The following KCNB2 variants were observed in gnomAD, a reference collection of about 807,000 sequenced individuals.
KCNB2 encodes potassium voltage-gated channel subfamily B member 2, also known as delayed rectifier potassium channel protein.
Under a neutral mutation model 61.5 loss-of-function variants are expected in KCNB2, and 15 were observed. That is an observed-to-expected ratio of 0.24 (90% CI 0.16 to 0.38). The LOEUF (loss-of-function observed/expected upper bound fraction) is 0.38. KCNB2 is among the 10% of genes least tolerant of loss of function. The pLI is 1.00. For synonymous variants in KCNB2, 457 were observed against 446.0 expected, an observed-to-expected ratio of 1.02 and a Z score of -0.31; for missense variants, 828 against 1,125.2, an observed-to-expected ratio of 0.74 and a Z score of 3.78.
At chr8:72,776,405 A>T (rs1808653689) in intron 2 of KCNB2, among the ~76,000 whole-genome samples, 1 of 152,186 alleles carries the variant, frequency 6.6e-6, no homozygotes, top group Non-Finnish European at 1.5e-5. Context: ...TATAATTTTT[A>T]AAAAATCATT....
intron 2 of KCNB2, among the ~76,000 whole-genome samples, chr8:72,860,892 G>T (rs1297263815): frequency 6.6e-6 from 1 of 152,180 alleles, no homozygotes; most frequent in Non-Finnish European, 1.5e-5. Flanking sequence ...TTTACAAGTT[G>T]TTTTTAATGT....
At chr8:72,933,781 T>C (rs897056948) in intron 2 of KCNB2, among the ~76,000 whole-genome samples, 13 of 152,224 alleles carry the variant, frequency 8.5e-5, no homozygotes, top group Non-Finnish European at 1.5e-5. Flanking sequence ...ATCTAAATCT[T>C]CTCAAGGGAG....
At chr8:72,761,795 C>CA (rs5892366) in intron 2 of KCNB2, among the ~76,000 whole-genome samples, 86,381 of 151,834 alleles carry the variant, frequency 0.57, 25,439 homozygotes, top group African/African-American at 0.71. Context: ...AATACTGTTA[C>CA]AAAAAAAGGA....
At chr8:72,808,315 T>C (rs1410173283) in intron 2 of KCNB2, among the ~76,000 whole-genome samples, 1 of 152,234 alleles carries the variant, frequency 6.6e-6, no homozygotes, top group Non-Finnish European at 1.5e-5. Context: ...ATTTTTTGAA[T>C]ATTTTTTGAA....
intron 2 of KCNB2, among the ~76,000 whole-genome samples, chr8:72,583,792 A>G (rs1439577023): frequency 6.6e-6 from 1 of 150,656 alleles, no homozygotes; most frequent in Non-Finnish European, 1.5e-5. Context: ...TATTTATTCA[A>G]TGAAAAATCA....
chr8:72,578,283 C>T lies in KCNB2; in HGVS notation c.579+9970C>T, dbSNP rs535955049. Among the ~76,000 whole-genome samples the T allele has an allele frequency of 1.4e-4, 21 of 152,136 alleles. No individual in the cohort carries two copies. In the East Asian group the frequency reaches 2.7e-3, roughly 20 times the overall value. ...ATTTTTTAGTTTAGAGGCAGAAAAA[C>T]GTTAGTAGGTAATCTTACTTTCTAA... On this transcript the variant is annotated intron_variant, in intron 2 of 2. Transcript: ENST00000523207.
intron 2 of KCNB2, among the ~76,000 whole-genome samples, chr8:72,798,569 G>C (rs569283919): frequency 2.7e-4 from 41 of 152,030 alleles, no homozygotes; most frequent in Non-Finnish European, 4.9e-4. Context: ...TGGGAATCCT[G>C]GTCAAATTTA....
chr8:72,893,934 C>T lies in KCNB2; in HGVS notation c.580-42001C>T, dbSNP rs150110408. ...AATCCAGTTGTCCATTCTTTCATGC[C>T]ATCCCTAATTATTGAGCCCCTACCC... On this transcript the variant is annotated intron_variant, in intron 2 of 2. Transcript: ENST00000523207. Among the ~76,000 whole-genome samples, 258 of 152,222 alleles carry T rather than the reference C, an allele frequency of 1.7e-3. 1 individual carries two copies. The highest frequency in any genetic ancestry group is 6.0e-3 in the African/African-American group (249 of 41,534).
chr8:72,700,835 G>A (rs113260475), intron 2 of KCNB2, among the ~76,000 whole-genome samples: 2 of 152,202 alleles, frequency 1.3e-5, no homozygotes, highest in East Asian at 1.9e-4. Flanking sequence ...AAATCAACCC[G>A]AGTGTCCATC....
At position 72,803,666 on chromosome 8, in the gene KCNB2, G is replaced by A. The variant is rs559790051; in HGVS notation, c.580-132269G>A. The stretch of plus-strand genomic sequence containing the variant: ...AGGGAGTTAACACTACCTGCAGAAA[G>A]TGACATAAGAATTTAGTATCCCAAG... On this transcript the variant is annotated intron_variant, in intron 2 of 2. Transcript: ENST00000523207. 1.8e-4 allele frequency among the ~76,000 whole-genome samples: 28 copies of A among 152,340 alleles called. No individual in the cohort carries two copies. The South Asian group carries it at 5.8e-3, about 32-fold the overall frequency.
Position 72,567,672 on chromosome 8 carries a change from G to A in KCNB2, c.-63G>A. 1 of 1,091,684 alleles carries A rather than the reference G, an allele frequency of 9.2e-7. No homozygotes were observed. Among genetic ancestry groups the A allele is most frequent in the Non-Finnish European group, 1.3e-6 (1 of 762,296 alleles). 67.6% of individuals were successfully genotyped at this position (1,091,684 alleles called of 1,614,324 possible). A position where few individuals can be genotyped will look rare whatever the true frequency, so the allele number is the denominator to read the frequency against. ...TCAGTGGAAATGCCTGCCCCAGAGG[G>A]ATATTGCTTCAGTTGACCTCATTTT... On this transcript the variant is annotated 5_prime_UTR_variant, in exon 2 of 3. Coordinates refer to ENST00000523207, the MANE Select transcript of KCNB2 (RefSeq NM_004770.3).
intron 2 of KCNB2, among the ~76,000 whole-genome samples, chr8:72,859,707 GTTTTTTTTTTTTTTTTT>G (rs1187550622): frequency 9.5e-5 from 4 of 42,008 alleles, no homozygotes; most frequent in Non-Finnish European, 2.2e-4. Context: ...ACTTCATTTC[GTTTTTTTTTTTTTTTTT>G]TTTTTTTTTT....
At chr8:72,646,618 A>C (rs1372204680) in intron 2 of KCNB2, among the ~76,000 whole-genome samples, 1 of 152,204 alleles carries the variant, frequency 6.6e-6, no homozygotes, top group Non-Finnish European at 1.5e-5. Context: ...GAAATAGGTC[A>C]GACACAAAAG....
intron 2 of KCNB2, among the ~76,000 whole-genome samples, chr8:72,644,728 A>G (rs1015051980): frequency 6.6e-6 from 1 of 152,060 alleles, no homozygotes; most frequent in Non-Finnish European, 1.5e-5. Context: ...GTTGAGTACA[A>G]CTTTCCCTGT....
rs995811429 is a variant in KCNB2, at chr8:72,602,822, C to A, written c.579+34509C>A. Among the ~76,000 whole-genome samples, 4 of 152,200 alleles carry A rather than the reference C, an allele frequency of 2.6e-5. No homozygotes were observed. The South Asian group carries it at 8.3e-4, about 32-fold the overall frequency. ...GCTTATGTGGGATCCTCTCTCTTTC[C>A]ATGTCATCTCCAAGTCTTTCCATAT... is the stretch of plus-strand genomic sequence containing the variant. On this transcript the variant is annotated intron_variant, in intron 2 of 2. Coordinates refer to ENST00000523207, the MANE Select transcript of KCNB2 (RefSeq NM_004770.3).
At position 72,937,359 on chromosome 8, in the gene KCNB2, G is replaced by C; in HGVS notation, c.2004G>C (p.Glu668Asp). The change falls in exon 3 of 3, where the codon GAG becomes GAC. Residue 668 changes from glutamate (E) to aspartate (D), a missense_variant. Physicochemically the swap from Glu to Asp is conservative, Grantham distance 45. Transcript: ENST00000523207. The stretch of plus-strand genomic sequence containing the variant: ...CTGCTGCCAGGGATGGCACGCTGGA[G>C]TATGCCCCAGTTGACATAACTGTGA... ...KGPAARDGTL[E>D]YAPVDITVNL... The C allele has an allele frequency of 1.2e-6, 2 of 1,614,078 alleles. No homozygotes were observed. The highest frequency in any genetic ancestry group is 1.7e-6 in the Non-Finnish European group (2 of 1,180,016).
chr8:72,885,096 T>TA (rs1441174725), intron 2 of KCNB2, among the ~76,000 whole-genome samples: 9 of 152,170 alleles, frequency 5.9e-5, no homozygotes, highest in Non-Finnish European at 1.3e-4. Context: ...TGTCTATTGA[T>TA]ATGATCATAT....
At chr8:72,609,771 A>G (rs1805508528) in intron 2 of KCNB2, among the ~76,000 whole-genome samples, 1 of 152,320 alleles carries the variant, frequency 6.6e-6, no homozygotes, top group South Asian at 2.1e-4. Flanking sequence ...ACAGAGCACT[A>G]TGTTTATGTG....
At chr8:72,700,997 T>C (rs1807113930) in intron 2 of KCNB2, among the ~76,000 whole-genome samples, 1 of 152,064 alleles carries the variant, frequency 6.6e-6, no homozygotes, top group Admixed American at 6.6e-5. Context: ...TACCACATGT[T>C]CTCACTGATA....
Sources: gnomAD v4.1 joint callset for allele counts (sites outside exome capture counted in the v4.1 genomes callset) on GRCh38, gnomAD v4.1.1 for gene constraint, MANE v1.5 for transcripts, NCBI Gene and HGNC (gene_info 2026-07-23, HGNC 2026-07-21) for gene names.